Variants in CTNNA3 observed in about 807,000 individuals in gnomAD.
CTNNA3 encodes the protein catenin alpha-3.
CTNNA3 carries 76 observed loss-of-function variants against 95.7 expected under a neutral mutation model. The observed-to-expected ratio is 0.79, with a 90% CI of 0.66 to 0.96. CTNNA3 has a LOEUF of 0.96. CTNNA3 is among the 40% of genes least tolerant of loss of function. The pLI is 0.00. For synonymous variants in CTNNA3, 431 were observed against 374.4 expected (o/e 1.15, Z -1.74); for missense variants, 1,191 against 1,089.8 (o/e 1.09, Z -1.31).
intron 7 of CTNNA3, among the ~76,000 whole-genome samples, chr10:67,155,052 T>C (rs1861246723): frequency 6.6e-6 from 1 of 152,238 alleles, no homozygotes; most frequent in African/African-American, 2.4e-5. Context: ...ATTTCTTTCA[T>C]TTCTACTCCA....
intron 3 of CTNNA3, among the ~76,000 whole-genome samples, chr10:67,556,308 G>C (rs1841249991): frequency 6.6e-6 from 1 of 152,078 alleles, no homozygotes; most frequent in Non-Finnish European, 1.5e-5. Flanking sequence ...TCCATAAATT[G>C]GAATAGTTTC....
At chr10:67,701,995 AC>A (rs1841043877) in intron 1 of CTNNA3, among the ~76,000 whole-genome samples, 1 of 152,224 alleles carries the variant, frequency 6.6e-6, no homozygotes, top group South Asian at 2.1e-4. Flanking sequence ...AATAAAACAG[AC>A]TTTAAACCAA....
At chr10:67,079,858 A>AACACACACAC (rs199928311) in intron 7 of CTNNA3, among the ~76,000 whole-genome samples, 2 of 141,362 alleles carry the variant, frequency 1.4e-5, no homozygotes, top group South Asian at 4.7e-4. Context: ...AAAAAAACAA[A>AACACACACAC]ACACACACAC....
intron 5 of CTNNA3, among the ~76,000 whole-genome samples, chr10:67,263,434 T>C (rs1866695640): frequency 6.6e-6 from 1 of 152,190 alleles, no homozygotes; most frequent in African/African-American, 2.4e-5. Flanking sequence ...TGAAGAATTG[T>C]GCAGAATCTT....
intron 12 of CTNNA3, among the ~76,000 whole-genome samples, chr10:66,323,774 C>A (rs1361912180): frequency 6.6e-6 from 1 of 152,000 alleles, no homozygotes; most frequent in Admixed American, 6.6e-5. Flanking sequence ...CAAAAAGTTG[C>A]CTTTTGGCCT....
chr10:67,668,827 T>C (rs1212049352), intron 1 of CTNNA3, among the ~76,000 whole-genome samples: 8 of 146,074 alleles, frequency 5.5e-5, no homozygotes, highest in Admixed American at 2.7e-4. Context: ...GGGCCTACTG[T>C]GTTTCTTTTT....
At chr10:66,446,695 A>G (rs2093424610) in intron 11 of CTNNA3, among the ~76,000 whole-genome samples, 1 of 152,198 alleles carries the variant, frequency 6.6e-6, no homozygotes, top group South Asian at 2.1e-4. Context: ...AGAGCTATCT[A>G]TGACAAACCC....
intron 1 of CTNNA3, among the ~76,000 whole-genome samples, chr10:67,738,986 G>A (rs896273552): frequency 6.6e-5 from 10 of 152,158 alleles, no homozygotes; most frequent in African/African-American, 2.2e-4. Context: ...TGAAAGTGAC[G>A]GGGAGACTGG....
At chr10:66,322,351 T>TCCTACAGTCG (rs1243315648) in intron 12 of CTNNA3, among the ~76,000 whole-genome samples, 1 of 152,054 alleles carries the variant, frequency 6.6e-6, no homozygotes, top group Non-Finnish European at 1.5e-5. Context: ...ATGAGGAATG[T>TCCTACAGTCG]CCTACAGTCG....
At chr10:67,535,254 A>T (rs1840453610) in intron 4 of CTNNA3, among the ~76,000 whole-genome samples, 1 of 152,154 alleles carries the variant, frequency 6.6e-6, no homozygotes, top group Non-Finnish European at 1.5e-5. Flanking sequence ...TACTCAAAGG[A>T]TGTTCATATT....
intron 5 of CTNNA3, among the ~76,000 whole-genome samples, chr10:67,363,532 G>T (rs1187482878): frequency 1.3e-5 from 2 of 151,830 alleles, no homozygotes; most frequent in Non-Finnish European, 2.9e-5. Context: ...CCAGGAGCTG[G>T]TTTTTTCAAA....
At chr10:66,860,814 T>C (rs4285775) in intron 7 of CTNNA3, among the ~76,000 whole-genome samples, 132,703 of 152,182 alleles carry the variant, frequency 0.87, 58,289 homozygotes, top group African/African-American at 0.96. Flanking sequence ...AATAAATTTT[T>C]TGTAAATATT....
chr10:67,297,744 C>G (rs1256014054), intron 5 of CTNNA3, among the ~76,000 whole-genome samples: 2 of 152,190 alleles, frequency 1.3e-5, no homozygotes, highest in African/African-American at 4.8e-5. Context: ...CTGGAATGCT[C>G]TTAGGCACAT....
At chr10:66,625,502 C>T (rs764372795) in intron 9 of CTNNA3, among the ~76,000 whole-genome samples, 1 of 152,130 alleles carries the variant, frequency 6.6e-6, no homozygotes, top group Non-Finnish European at 1.5e-5. Context: ...GATCCTCCCA[C>T]CACAGCCCCT....
chr10:67,057,512 C>G (rs903954519), intron 7 of CTNNA3, among the ~76,000 whole-genome samples: 3 of 152,146 alleles, frequency 2.0e-5, no homozygotes, highest in African/African-American at 7.2e-5. Flanking sequence ...TGGGACCATG[C>G]AGTAGTTCTC....
chr10:66,893,064 T>C (rs895812551), intron 7 of CTNNA3, among the ~76,000 whole-genome samples: 5 of 152,116 alleles, frequency 3.3e-5, no homozygotes, highest in African/African-American at 1.2e-4. Flanking sequence ...TGGTAACAGA[T>C]GAATCTGCTC....
At chr10:65,943,909 T>C (rs905261751) in intron 17 of CTNNA3, among the ~76,000 whole-genome samples, 1 of 152,220 alleles carries the variant, frequency 6.6e-6, no homozygotes, top group African/African-American at 2.4e-5. Context: ...CTTACAGATA[T>C]TGATTTAGCA....
intron 13 of CTNNA3, among the ~76,000 whole-genome samples, chr10:66,114,890 GA>G (rs1461308900): frequency 6.7e-6 from 1 of 150,254 alleles, no homozygotes; most frequent in Admixed American, 6.6e-5. Context: ...AAAAAAAAAA[GA>G]AAAAGAAAAA....
chr10:66,747,552 G>T (rs572577058), intron 9 of CTNNA3, among the ~76,000 whole-genome samples: 1 of 152,082 alleles, frequency 6.6e-6, no homozygotes, highest in Non-Finnish European at 1.5e-5. Context: ...ACCTATGCAC[G>T]TCACTTAGCT....
Sources: allele counts gnomAD v4.1 joint callset (sites outside exome capture counted in the v4.1 genomes callset), GRCh38; gene constraint gnomAD v4.1.1; transcripts MANE v1.5; gene names NCBI Gene and HGNC (gene_info 2026-07-23, HGNC 2026-07-21).